Variants in AOX1 observed in about 807,000 individuals in gnomAD.
The protein encoded by AOX1 is aldehyde oxidase.
A neutral mutation model predicts 169.5 loss-of-function variants in AOX1; 153 were observed. That is an observed-to-expected ratio of 0.90 (90% CI 0.79 to 1.03). The LOEUF is 1.03. Ranked by LOEUF, AOX1 falls within the 50% of genes least tolerant of loss-of-function variation. The pLI, the probability that AOX1 is intolerant of heterozygous loss-of-function variation, is 0.00. For synonymous variants in AOX1, 562 were observed against 581.9 expected (o/e 0.97, Z 0.49); for missense variants, 1,656 against 1,663.9 (o/e 1.00, Z 0.08).
In AOX1 at chr2:200,623,881, T is replaced by G; in HGVS notation, c.2022T>G (p.Leu674=). ...CGTAGGTGTTCTGTGTGGGTCAGCT[T>G]GTCTGTGCTGTGCTTGCCGATTCTG... ...ATDKVFCVGQ[L]VCAVLADSEV... is the part of the protein sequence containing the mutation. The change falls in exon 19 of 35, where the codon CTT becomes CTG. Residue 674 remains leucine, a synonymous_variant. Coordinates refer to ENST00000374700, the MANE Select transcript of AOX1 (RefSeq NM_001159.4). The G allele has an allele frequency of 2.5e-6, 4 of 1,614,000 alleles. No homozygotes were observed. The highest frequency in any genetic ancestry group is 3.4e-6 in the Non-Finnish European group (4 of 1,179,968).
At chr2:200,673,065 G>A (rs1482377410), downstream of AOX1, among the ~76,000 whole-genome samples, 2 of 152,200 alleles carry the variant, frequency 1.3e-5, no homozygotes, top group Admixed American at 6.5e-5. Context: ...GGATTATCCT[G>A]GATGCTGTGC....
At chr2:200,586,291 C>T (rs538828141) in intron 1 of AOX1, 138 bp downstream of exon 1, 22 of 930,474 alleles carry the variant, frequency 2.4e-5, no homozygotes, top group Non-Finnish European at 3.2e-5. Flanking sequence ...CCCGTAACAG[C>T]GGCTTTGCCT....
chr2:200,670,687 G>A lies in AOX1; in HGVS notation c.*8G>A. 6.2e-7 allele frequency: 1 copy of A among 1,610,114 alleles called. No homozygotes were observed. The highest frequency in any genetic ancestry group is 8.5e-7 in the Non-Finnish European group (1 of 1,177,312). ...TGGAATGTACCCATCTGAATCAAAT[G>A]CAAACTTCTGGAGAAAACAGAGTGC... On this transcript the variant is annotated 3_prime_UTR_variant, in exon 35 of 35. Coordinates refer to ENST00000374700, the MANE Select transcript of AOX1 (RefSeq NM_001159.4).
chr2:200,677,095 TG>T (rs2036110408), downstream of AOX1: 2 of 369,390 alleles, frequency 5.4e-6, no homozygotes. Flanking sequence ...TATTAATGTT[TG>T]CCAAGACGAT....
At position 200,604,097 on chromosome 2, in the gene AOX1, G is replaced by A; in HGVS notation, c.669G>A (p.Met223Ile). The change falls in exon 8 of 35, where the codon ATG becomes ATA. Residue 223 changes from methionine (M) to isoleucine (I), a missense_variant and splice_region_variant. Physicochemically the swap from Met to Ile is conservative, Grantham distance 10. Transcript: ENST00000374700. Reference sequence around the variant, plus strand: ...AACTGATATTTCCTCCTGAGCTAATGGTGAGTAAAGCAATGTTGAGCTCAT... The same window carrying A: ...AACTGATATTTCCTCCTGAGCTAATAGTGAGTAAAGCAATGTTGAGCTCAT... ...TQELIFPPELMIMAEKQSQRT... is the reference protein window; with the variant it reads ...TQELIFPPELIIMAEKQSQRT... The A allele has an allele frequency of 6.2e-7, 1 of 1,600,708 alleles. No homozygotes were observed. Among genetic ancestry groups the A allele is most frequent in the Non-Finnish European group, 8.6e-7 (1 of 1,167,814 alleles).
chr2:200,674,431 G>A (rs530859271), downstream of AOX1, among the ~76,000 whole-genome samples: 15 of 150,800 alleles, frequency 9.9e-5, 1 homozygote, highest in African/African-American at 3.2e-4. Flanking sequence ...GGGCCTGGGT[G>A]GGGGGGGTGA....
chr2:200,657,266 A>G (rs2035715990), intron 27 of AOX1, among the ~76,000 whole-genome samples: 1 of 138,852 alleles, frequency 7.2e-6, no homozygotes, highest in Non-Finnish European at 1.5e-5. Context: ...CTGAGGTGGG[A>G]GGATTGCTTG....
At chr2:200,666,549 C>A (rs1017666522) in intron 31 of AOX1, 138 bp from the exon 32 acceptor site, 1 of 467,340 alleles carries the variant, frequency 2.1e-6, no homozygotes, top group Admixed American at 4.0e-5. Context: ...ATAATAAAAT[C>A]TTTGTTGCTT....
intron 4 of AOX1, among the ~76,000 whole-genome samples, chr2:200,598,426 C>T (rs987352654): frequency 1.8e-4 from 27 of 152,058 alleles, no homozygotes; most frequent in African/African-American, 6.0e-4. Flanking sequence ...ACACCTGAGT[C>T]TTTATGTATA....
chr2:200,660,955 C>G (rs2035807153), intron 29 of AOX1, among the ~76,000 whole-genome samples: 2 of 152,146 alleles, frequency 1.3e-5, no homozygotes, highest in African/African-American at 4.8e-5. Context: ...GAGTAGTACT[C>G]CACCACCATG....
At position 200,651,054 on chromosome 2, in the gene AOX1, T is replaced by C. The variant is rs775186632; in HGVS notation, c.2928T>C (p.Cys976=). The change falls in exon 26 of 35, where the codon TGT becomes TGC. Residue 976 remains cysteine (C), a synonymous_variant. Transcript: ENST00000374700. Reference sequence around the variant, plus strand: ...TCAATGCCAAGAACCTAATCCAGTGTTGGAGAGAATGTATGGCCATGTCTT... The same window carrying C: ...TCAATGCCAAGAACCTAATCCAGTGCTGGAGAGAATGTATGGCCATGTCTT... ...QEINAKNLIQ[C]WRECMAMSSY... is the part of the protein sequence containing the mutation. 6.2e-7 allele frequency: 1 copy of C among 1,614,224 alleles called. No individual in the cohort carries two copies. Among genetic ancestry groups the C allele is most frequent in the Non-Finnish European group, 8.5e-7 (1 of 1,180,040 alleles).
At chr2:200,666,632 T>C in intron 31 of AOX1, 55 bp from the exon 32 acceptor site, 5 of 1,353,634 alleles carry the variant, frequency 3.7e-6, no homozygotes, top group Non-Finnish European at 5.1e-6. Context: ...CCTCAGCTTC[T>C]TCTCCCTAAG....
intron 34 of AOX1, 141 bp from the exon 35 acceptor site, chr2:200,670,488 A>G: frequency 2.9e-6 from 2 of 683,382 alleles, no homozygotes; most frequent in South Asian, 3.5e-5. Context: ...CTTCCTCTAT[A>G]CTTCACAGGC....
chr2:200,618,038 G>A (rs2034803460), intron 16 of AOX1, among the ~76,000 whole-genome samples: 1 of 152,186 alleles, frequency 6.6e-6, no homozygotes, highest in South Asian at 2.1e-4. Flanking sequence ...GAGCTGGAGT[G>A]TTGGGACTGT....
At chr2:200,664,742 T>G (rs528046897) in intron 31 of AOX1, among the ~76,000 whole-genome samples, 1 of 152,242 alleles carries the variant, frequency 6.6e-6, no homozygotes, top group Non-Finnish European at 1.5e-5. Context: ...TCAGCCATTC[T>G]CCTGTTGATA....
At chr2:200,619,253 G>A (rs2034831762) in intron 16 of AOX1, among the ~76,000 whole-genome samples, 1 of 152,118 alleles carries the variant, frequency 6.6e-6, no homozygotes, top group Admixed American at 6.5e-5. Context: ...GGCATTGTAA[G>A]GCTCATCTAA....
chr2:200,644,630 T>G (rs943784877), intron 25 of AOX1, among the ~76,000 whole-genome samples: 1 of 152,196 alleles, frequency 6.6e-6, no homozygotes, highest in Admixed American at 6.5e-5. Flanking sequence ...AATTTGTAGA[T>G]TGCTTTTGGC....
At chr2:200,601,498 G>A (rs944917903) in intron 5 of AOX1, among the ~76,000 whole-genome samples, 1 of 151,998 alleles carries the variant, frequency 6.6e-6, no homozygotes, top group African/African-American at 2.4e-5. Flanking sequence ...TGGGAGGGAA[G>A]TTAGAGGTAA....
chr2:200,627,519 CT>C (rs1171772769), intron 20 of AOX1, 70 bp downstream of exon 20: 13 of 1,157,612 alleles, frequency 1.1e-5, no homozygotes, highest in Non-Finnish European at 1.7e-5. Context: ...CTTCCTTTGT[CT>C]TCTGGAAATC....
Sources: allele counts gnomAD v4.1 joint callset (sites outside exome capture counted in the v4.1 genomes callset), GRCh38; gene constraint gnomAD v4.1.1; transcripts MANE v1.5; gene names NCBI Gene and HGNC (gene_info 2026-07-23, HGNC 2026-07-21).